The following TPRG1 variants were observed in gnomAD, a reference collection of about 807,000 sequenced individuals.
TPRG1 encodes the protein tumor protein p63 regulated 1.
A neutral mutation model predicts 29.3 loss-of-function variants in TPRG1; 29 were observed. That is an observed-to-expected ratio of 0.99 (90% CI 0.74 to 1.35). TPRG1 has a LOEUF of 1.35. TPRG1 is among the 40% of genes most tolerant of loss of function. TPRG1 has a pLI of 0.00. For synonymous variants in TPRG1, 130 were observed against 116.8 expected (o/e 1.11, Z -0.73); for missense variants, 327 against 335.0 (o/e 0.98, Z 0.19).
chr3:189,114,971 A>G (rs1169953191), intron 1 of TPRG1, among the ~76,000 whole-genome samples: 1 of 152,206 alleles, frequency 6.6e-6, no homozygotes, highest in Admixed American at 6.5e-5. Flanking sequence ...TTTAGAATAT[A>G]AAGTAGGAAT....
At chr3:189,128,303 A>C (rs946293977) in intron 2 of TPRG1, among the ~76,000 whole-genome samples, 2 of 152,190 alleles carry the variant, frequency 1.3e-5, no homozygotes, top group Non-Finnish European at 2.9e-5. Flanking sequence ...TATTGTGCAA[A>C]GACGGCCTGG....
intron 1 of TPRG1, chr3:189,123,637 T>A (rs369954540): frequency 6.6e-6 from 1 of 152,236 alleles, no homozygotes; most frequent in Non-Finnish European, 1.5e-5. Context: ...GGATTTTAAA[T>A]GGCTTCTTCT....
chr3:189,291,068 A>T (rs1324971595), intron 4 of TPRG1, among the ~76,000 whole-genome samples: 1 of 151,562 alleles, frequency 6.6e-6, no homozygotes, highest in African/African-American at 2.4e-5. Flanking sequence ...CACCTGGCTA[A>T]TTTTTTTTAT....
intron 2 of TPRG1, among the ~76,000 whole-genome samples, chr3:189,213,616 A>C (rs1385594573): frequency 1.3e-5 from 2 of 152,152 alleles, no homozygotes; most frequent in Non-Finnish European, 2.9e-5. Flanking sequence ...ATACAGCAAA[A>C]CATCACCTTC....
intron 5 of TPRG1, among the ~76,000 whole-genome samples, chr3:189,155,844 T>C (rs1323134858): frequency 2.6e-5 from 4 of 151,904 alleles, no homozygotes; most frequent in Non-Finnish European, 4.4e-5. Flanking sequence ...GTGAGGGAAA[T>C]GGGGAGATGT....
chr3:189,128,125 A>C (rs575260316), intron 2 of TPRG1, among the ~76,000 whole-genome samples: 2 of 152,322 alleles, frequency 1.3e-5, no homozygotes, highest in South Asian at 2.1e-4. Context: ...TTTTAAAATA[A>C]ATTTTGCACA....
At chr3:189,140,436 C>T (rs1465490560) in intron 3 of TPRG1, among the ~76,000 whole-genome samples, 3 of 152,128 alleles carry the variant, frequency 2.0e-5, no homozygotes, top group African/African-American at 7.2e-5. Flanking sequence ...GATTAAATCC[C>T]TACACACGGG....
intron 1 of TPRG1, among the ~76,000 whole-genome samples, chr3:188,999,502 C>T (rs1276902122): frequency 6.6e-6 from 1 of 152,162 alleles, no homozygotes; most frequent in Non-Finnish European, 1.5e-5. Flanking sequence ...TCTGGAGCCA[C>T]ACTGCTTAAC....
Position 189,293,818 on chromosome 3 carries a change from C to A in TPRG1, c.480-16568C>A, listed in dbSNP as rs2109219859. ...CTAACTGTTCTCCCTTGCTTTTACT[C>A]TCCAAAATCCATCTTGTCTGTCAAG... On this transcript the variant is annotated intron_variant, in intron 4 of 5. Coordinates refer to ENST00000345063, the MANE Select transcript of TPRG1 (RefSeq NM_198485.4). Among the ~76,000 whole-genome samples, 3 of 152,320 alleles carry A rather than the reference C, an allele frequency of 2.0e-5. No homozygotes were observed. In the Middle Eastern group the frequency reaches 0.01, roughly 518 times the overall value.
chr3:189,028,976 A>T (rs930007107), intron 4 of TPRG1, among the ~76,000 whole-genome samples: 1 of 152,012 alleles, frequency 6.6e-6, no homozygotes, highest in East Asian at 1.9e-4. Flanking sequence ...CCTCGTCCCC[A>T]GTCATGGTCT....
At chr3:189,195,984 G>A (rs1167525671) in intron 1 of TPRG1, among the ~76,000 whole-genome samples, 2 of 152,154 alleles carry the variant, frequency 1.3e-5, no homozygotes, top group African/African-American at 2.4e-5. Flanking sequence ...GTAAAGAGTA[G>A]AGTGCTAGGG....
chr3:189,011,809 G>A (rs1712615729), intron 3 of TPRG1, among the ~76,000 whole-genome samples: 1 of 152,146 alleles, frequency 6.6e-6, no homozygotes, highest in South Asian at 2.1e-4. Flanking sequence ...TGATTTCTTT[G>A]AACAGTTATT....
At chr3:189,251,907 G>A (rs1395134292) in intron 4 of TPRG1, among the ~76,000 whole-genome samples, 1 of 152,094 alleles carries the variant, frequency 6.6e-6, no homozygotes, top group Non-Finnish European at 1.5e-5. Context: ...ATCCTCCTCA[G>A]CACAGACCCT....
chr3:189,000,236 A>T (rs925025150), intron 1 of TPRG1, among the ~76,000 whole-genome samples: 38 of 151,934 alleles, frequency 2.5e-4, no homozygotes, highest in African/African-American at 8.9e-4. Flanking sequence ...AATTTAGTTT[A>T]GTTTATCATT....
chr3:189,152,802 CTGCCATTATTATTAAAAAGTAGGATTG>C, intron 5 of TPRG1, among the ~76,000 whole-genome samples: 2 of 150,678 alleles, frequency 1.3e-5, no homozygotes, highest in African/African-American at 4.9e-5. Flanking sequence ...GGATTGCTAC[CTGCCATTATTATTAAAAAGTAGGATTG>C]CTACCTGCCA....
chr3:189,062,587 C>A (rs544340250), intron 4 of TPRG1, among the ~76,000 whole-genome samples: 41 of 152,184 alleles, frequency 2.7e-4, no homozygotes, highest in Admixed American at 2.4e-3. Flanking sequence ...AATAAAAATT[C>A]TCTTACCATC....
chr3:189,039,971 C>T (rs917402879), intron 4 of TPRG1, among the ~76,000 whole-genome samples: 1 of 152,074 alleles, frequency 6.6e-6, no homozygotes. Context: ...ATGTAAACCT[C>T]AAGAATCTAC....
At chr3:189,319,813 C>T (rs1220632729) in intron 5 of TPRG1, among the ~76,000 whole-genome samples, 1 of 152,248 alleles carries the variant, frequency 6.6e-6, no homozygotes, top group East Asian at 1.9e-4. Flanking sequence ...GTGCTTCAAC[C>T]TCTTTCCTTT....
At chr3:189,102,452 C>T (rs1719318158) in intron 1 of TPRG1, among the ~76,000 whole-genome samples, 1 of 152,192 alleles carries the variant, frequency 6.6e-6, no homozygotes, top group Admixed American at 6.5e-5. Flanking sequence ...TCTTATCCAT[C>T]CAATTTCCTT....
Sources: allele counts gnomAD v4.1 joint callset (sites outside exome capture counted in the v4.1 genomes callset), GRCh38; gene constraint gnomAD v4.1.1; transcripts MANE v1.5; gene names NCBI Gene and HGNC (gene_info 2026-07-23, HGNC 2026-07-21).